GRB2: variants seen among roughly 807,000 people sequenced by gnomAD.
GRB2 encodes the protein growth factor receptor-bound protein 2.
In GRB2, 2 loss-of-function variants were observed where a neutral mutation model predicts 27.4. The ratio of observed to expected loss-of-function variants is 0.07; its 90% confidence interval spans 0.03 to 0.23. GRB2 has a LOEUF of 0.23. Ranked by LOEUF, GRB2 falls within the 10% of genes least tolerant of loss-of-function variation. GRB2 has a pLI of 1.00. For missense variants in GRB2, 102 were observed against 282.4 expected (o/e 0.36, Z 4.58); for synonymous variants, 94 against 99.6 (o/e 0.94, Z 0.33).
intron 2 of GRB2, among the ~76,000 whole-genome samples, chr17:75,358,132 G>C (rs775592005): frequency 2.0e-5 from 3 of 152,098 alleles, no homozygotes; most frequent in Non-Finnish European, 4.4e-5. Context: ...AGTCAAAGGT[G>C]AGCTCTCTGG....
At chr17:75,352,438 A>G (rs1237637576) in intron 2 of GRB2, among the ~76,000 whole-genome samples, 1 of 152,236 alleles carries the variant, frequency 6.6e-6, no homozygotes, top group Non-Finnish European at 1.5e-5. Context: ...CCGCAACTCC[A>G]AGTTACAAGA....
At chr17:75,371,850 T>C (rs2145855515) in intron 2 of GRB2, 1 of 152,142 alleles carries the variant, frequency 6.6e-6, no homozygotes, top group South Asian at 2.1e-4. Context: ...ATTTCTGACA[T>C]TACTGGCAAA....
At chr17:75,404,122 AG>A (rs1357213186) in intron 1 of GRB2, among the ~76,000 whole-genome samples, 1 of 152,174 alleles carries the variant, frequency 6.6e-6, no homozygotes, top group Non-Finnish European at 1.5e-5. Flanking sequence ...AAAAAAAAAA[AG>A]TCACTGAGCT....
chr17:75,369,599 A>G (rs1015431107), intron 2 of GRB2, among the ~76,000 whole-genome samples: 2 of 151,582 alleles, frequency 1.3e-5, no homozygotes, highest in Admixed American at 1.3e-4. Flanking sequence ...TTACACCTGT[A>G]ATCCCAGCAC....
intron 5 of GRB2, among the ~76,000 whole-genome samples, chr17:75,321,396 C>T (rs2145817099): frequency 6.6e-6 from 1 of 152,148 alleles, no homozygotes; most frequent in East Asian, 1.9e-4. Flanking sequence ...AGGCTAGTCT[C>T]AAACACCTGA....
intron 5 of GRB2, among the ~76,000 whole-genome samples, chr17:75,321,310 G>A (rs1408029751): frequency 6.6e-6 from 1 of 151,520 alleles, no homozygotes; most frequent in African/African-American, 2.4e-5. Context: ...CCGAGTAGCT[G>A]GGACTGCAGG....
intron 2 of GRB2, among the ~76,000 whole-genome samples, chr17:75,382,264 AAAAAAAAAGG>A (rs2078934037): frequency 7.3e-6 from 1 of 137,062 alleles, no homozygotes; most frequent in Non-Finnish European, 1.7e-5. Flanking sequence ...ACCTTGTCTC[AAAAAAAAAGG>A]AATAAAAAGT....
chr17:75,347,307 TGA>T (rs988089718), intron 2 of GRB2, among the ~76,000 whole-genome samples: 7 of 152,188 alleles, frequency 4.6e-5, no homozygotes, highest in African/African-American at 1.7e-4. Flanking sequence ...TGGACCGGAC[TGA>T]GAACCCATCT....
At chr17:75,321,522 A>T in intron 5 of GRB2, 137 bp downstream of exon 5, 1 of 724,712 alleles carries the variant, frequency 1.4e-6, no homozygotes. Context: ...CATTTTCAGT[A>T]AGGAGCACAG....
At chr17:75,386,777 C>G (rs1291533554) in intron 2 of GRB2, among the ~76,000 whole-genome samples, 1 of 152,224 alleles carries the variant, frequency 6.6e-6, no homozygotes, top group Non-Finnish European at 1.5e-5. Flanking sequence ...TACACCACAG[C>G]AAGACCTAAG....
rs2078450893 is a variant in GRB2, at chr17:75,320,437, T to G, written c.585A>C (p.Lys195Asn). 1 of 1,614,092 alleles carries G rather than the reference T, an allele frequency of 6.2e-7. No homozygotes were observed. Among genetic ancestry groups the G allele is most frequent in the Admixed American group, 1.7e-5 (1 of 60,000 alleles). Residue 195 changes from lysine to asparagine, a missense_variant, in exon 6 of 6, where the codon AAA becomes AAC. Transcript: ENST00000316804. This position sits in a 1 kb window ranked among gnomAD's most constrained non-coding sequence, Gnocchi z 4.3. ...VMDNSDPNWW[K>N]GACHGQTGMF... ...TGCCGGTCTGCCCGTGGCAAGCTCC[T>G]TTCCACCAGTTGGGGTCTGAGTTAT...
chr17:75,401,451 C>CAAA (rs71161209), intron 1 of GRB2, among the ~76,000 whole-genome samples: 70 of 78,932 alleles, frequency 8.9e-4, no homozygotes, highest in Non-Finnish European at 9.8e-4. Context: ...GACTCCGTCT[C>CAAA]AAAAAAAAAA....
chr17:75,328,364 G>A (rs1427754468), intron 3 of GRB2, among the ~76,000 whole-genome samples: 1 of 151,856 alleles, frequency 6.6e-6, no homozygotes, highest in Non-Finnish European at 1.5e-5. Context: ...AGGAGGCTGG[G>A]TGCGGTGGCT....
intron 2 of GRB2, among the ~76,000 whole-genome samples, chr17:75,349,921 C>A (rs974610912): frequency 6.6e-6 from 1 of 151,676 alleles, no homozygotes; most frequent in Non-Finnish European, 1.5e-5. Flanking sequence ...GGGATAGTAT[C>A]GGTGGGAATA....
intron 4 of GRB2, 23 bp downstream of exon 4, chr17:75,325,875 C>A (rs1177885979): frequency 1.9e-6 from 3 of 1,612,366 alleles, no homozygotes; most frequent in Non-Finnish European, 2.5e-6. Context: ...GGATTCCAGG[C>A]AACTGCAGCA....
At chr17:75,377,560 C>T (rs184118692) in intron 2 of GRB2, among the ~76,000 whole-genome samples, 1 of 134,716 alleles carries the variant, frequency 7.4e-6, no homozygotes, top group Non-Finnish European at 1.5e-5. Flanking sequence ...GTTGAGGCTG[C>T]ACTCCAGCCC....
In GRB2 at chr17:75,393,900, A is replaced by G. The variant is rs573116799; in HGVS notation, c.-137-135T>C. 94 of 441,682 alleles carry G rather than the reference A, an allele frequency of 2.1e-4. No homozygotes were observed. The East Asian group carries it at 3.4e-3, about 16-fold the overall frequency. The allele number at this position is 441,682 out of a possible 1,614,324, so 27.4% of individuals were successfully genotyped here. On this transcript the variant is annotated intron_variant, in intron 1 of 5. Transcript: ENST00000316804. ...AGCCCTCCTCCCTCCCTTCCAGGCA[A>G]CAGCCCCCCCCCGCCGACTTCTTCC...
rs1177854053 is a variant in GRB2, at chr17:75,324,531, TTTTTG to T, written c.299+1362_299+1366del. 7.7e-4 allele frequency among the ~76,000 whole-genome samples: 71 copies of T among 91,836 alleles called. 2 individuals carry two copies. The highest frequency in any genetic ancestry group is 2.2e-3 in the African/African-American group (66 of 29,682). The allele number at this position is 91,836 out of a possible 152,430, so 60.2% of individuals were successfully genotyped here. A position where few individuals can be genotyped will look rare whatever the true frequency, so the allele number is the denominator to read the frequency against. On this transcript the variant is annotated intron_variant, in intron 4 of 5. Transcript: ENST00000316804. Reference sequence around the variant, plus strand: ...AGTTTTTTTTTTTTTTTTTTTTTTTTTTTTGGAGACAGAGTTTTGCTCTTCGCCCA... The same window carrying T: ...AGTTTTTTTTTTTTTTTTTTTTTTTTGAGACAGAGTTTTGCTCTTCGCCCA...
At chr17:75,371,365 G>A (rs754196366) in intron 2 of GRB2, 5 of 151,960 alleles carry the variant, frequency 3.3e-5, no homozygotes, top group Non-Finnish European at 4.4e-5. Flanking sequence ...CTGCCGCAAC[G>A]TAAGAACCAA....
Sources: allele counts gnomAD v4.1 joint callset (sites outside exome capture counted in the v4.1 genomes callset), GRCh38; gene constraint gnomAD v4.1.1; non-coding constraint Gnocchi (gnomAD v3.1); transcripts MANE v1.5; gene names NCBI Gene and HGNC (gene_info 2026-07-23, HGNC 2026-07-21).